ADORA2A: variants seen among roughly 807,000 people sequenced by gnomAD.
ADORA2A encodes the protein adenosine A2a receptor.
ADORA2A carries 11 observed loss-of-function variants against 18.4 expected under a neutral mutation model. The ratio of observed to expected loss-of-function variants is 0.60; its 90% CI spans 0.38 to 0.99. The LOEUF is 0.99. ADORA2A is among the 50% of genes least tolerant of loss of function. The pLI is 0.01. For synonymous variants in ADORA2A, 218 were observed against 237.3 expected, an observed-to-expected ratio of 0.92 and a Z score of 0.75; for missense variants, 449 against 556.1, an observed-to-expected ratio of 0.81 and a Z score of 1.94.
At chr22:24,431,443 G>C in intron 1 of ADORA2A, 1 of 456,812 alleles carries the variant, frequency 2.2e-6, no homozygotes, top group Non-Finnish European at 4.4e-6. Flanking sequence ...GTTGGGGTCT[G>C]TGTGTTTGAG....
chr22:24,433,343 A>C lies in ADORA2A; in HGVS notation c.-62A>C, dbSNP rs2043090020. ...GGAGCCAGGCGGGCGGCTGGGCTGC[A>C]GCAATGGACCGTGAGCTGGCCCAGC... On this transcript the variant is annotated 5_prime_UTR_variant, in exon 2 of 3. Transcript: ENST00000337539. The C allele has an allele frequency of 6.8e-7, 1 of 1,479,406 alleles. No individual in the cohort carries two copies. The highest frequency in any genetic ancestry group is 1.2e-5 in the South Asian group (1 of 81,750). 91.6% of individuals were successfully genotyped at this position (1,479,406 alleles called of 1,614,324 possible). A position where few individuals can be genotyped will look rare whatever the true frequency, so the allele number is the denominator to read the frequency against.
At chr22:24,424,338 G>C (rs1312518833), upstream of ADORA2A, 1 of 152,556 alleles carries the variant, frequency 6.6e-6, no homozygotes. The surrounding 1 kb of genome is among the most constrained non-coding windows in gnomAD (Gnocchi z 4.9). Flanking sequence ...GCGGGGTGCG[G>C]AGCCGCAGGT....
upstream of ADORA2A, among the ~76,000 whole-genome samples, chr22:24,424,939 G>A (rs1354330406): frequency 6.6e-6 from 1 of 152,100 alleles, no homozygotes; most frequent in African/African-American, 2.4e-5. This position sits in a 1 kb window ranked among gnomAD's most constrained non-coding sequence, Gnocchi z 4.9. Context: ...CCTAGGCTGG[G>A]GGAGTCGGGG....
At position 24,433,263 on chromosome 22, in the gene ADORA2A, G is replaced by C; in HGVS notation, c.-142G>C. The C allele has an allele frequency of 1.3e-6, 1 of 761,508 alleles. No homozygotes were observed. Among genetic ancestry groups the C allele is most frequent in the Middle Eastern group, 3.8e-4 (1 of 2,598 alleles). 47.2% of individuals were successfully genotyped at this position (761,508 alleles called of 1,614,324 possible). ...AGAGCGCCCCAGCAGGGCTGCACTTGGCTCCTGTGAGGAAGGGGCTCAGGG... is the reference window on the plus strand; with the variant it reads ...AGAGCGCCCCAGCAGGGCTGCACTTCGCTCCTGTGAGGAAGGGGCTCAGGG... On this transcript the variant is annotated 5_prime_UTR_variant, in exon 2 of 3. Coordinates refer to ENST00000337539, the MANE Select transcript of ADORA2A (RefSeq NM_000675.6).
chr22:24,441,226 G>A lies in ADORA2A; in HGVS notation c.976G>A (p.Ala326Thr). 1.2e-6 allele frequency: 2 copies of A among 1,613,894 alleles called. No homozygotes were observed. Among genetic ancestry groups the A allele is most frequent in the Non-Finnish European group, 1.7e-6 (2 of 1,180,040 alleles). ...AAGTSARVLA[A>T]HGSDGEQVSL... ...TGGCACCAGTGCCCGGGTCTTGGCA[G>A]CTCATGGCAGTGACGGAGAGCAGGT... Residue 326 changes from alanine (A) to threonine (T), a missense_variant, in exon 3 of 3, where the codon GCT (alanine) becomes ACT (threonine). Ala to Thr is a moderately conservative substitution (Grantham distance 58). Transcript: ENST00000337539.
chr22:24,440,660 T>A lies in ADORA2A; in HGVS notation c.410T>A (p.Leu137Gln), dbSNP rs1185530038. Residue 137 changes from leucine to glutamine, a missense_variant, in exon 3 of 3, where the codon CTG (leucine) becomes CAG (glutamine). Physicochemically the swap from Leu to Gln is moderately radical, Grantham distance 113. Transcript: ENST00000337539. The part of the protein sequence containing the change: ...ICWVLSFAIG[L>Q]TPMLGWNNCG... The stretch of plus-strand genomic sequence containing the variant: ...TGGGTGCTGTCGTTTGCCATCGGCC[T>A]GACTCCCATGCTAGGTTGGAACAAC... 1 of 1,611,280 alleles carries A rather than the reference T, an allele frequency of 6.2e-7. No individual in the cohort carries two copies. Among genetic ancestry groups the A allele is most frequent in the African/African-American group, 1.3e-5 (1 of 74,900 alleles).
At chr22:24,424,823 G>A (rs1011915862), upstream of ADORA2A, among the ~76,000 whole-genome samples, 4 of 152,068 alleles carry the variant, frequency 2.6e-5, no homozygotes, top group African/African-American at 4.8e-5. This position sits in a 1 kb window ranked among gnomAD's most constrained non-coding sequence, Gnocchi z 4.9. Context: ...CCAAGGGCTT[G>A]AGGAGGAGGC....
intron 2 of ADORA2A, among the ~76,000 whole-genome samples, chr22:24,434,522 G>A (rs1186146687): frequency 6.6e-6 from 1 of 152,212 alleles, no homozygotes; most frequent in Non-Finnish European, 1.5e-5. Flanking sequence ...GCTAGAAAGT[G>A]CATCCCTCCC....
chr22:24,429,826 G>A (rs1002849009), intron 1 of ADORA2A: 10 of 152,298 alleles, frequency 6.6e-5, no homozygotes, highest in Non-Finnish European at 1.3e-4. Flanking sequence ...TGCAGTGCCT[G>A]GCCTCTAGGC....
intron 2 of ADORA2A, among the ~76,000 whole-genome samples, chr22:24,437,858 G>T (rs1258183201): frequency 6.6e-6 from 1 of 152,246 alleles, no homozygotes; most frequent in Non-Finnish European, 1.5e-5. Flanking sequence ...AAGCCTTCGG[G>T]TTGGCTCTGG....
At chr22:24,431,362 G>A (rs1404733009) in intron 1 of ADORA2A, 1 of 456,718 alleles carries the variant, frequency 2.2e-6, no homozygotes, top group South Asian at 1.5e-5. Flanking sequence ...CCAGTCCCAG[G>A]TATGGCTGCA....
chr22:24,424,790 C>T (rs2042899623), upstream of ADORA2A, among the ~76,000 whole-genome samples: 1 of 152,020 alleles, frequency 6.6e-6, no homozygotes, highest in East Asian at 1.9e-4. The surrounding 1 kb of genome is among the most constrained non-coding windows in gnomAD (Gnocchi z 4.9). Flanking sequence ...TGGCGGCTCT[C>T]GAGGGATTTG....
intron 1 of ADORA2A, among the ~76,000 whole-genome samples, chr22:24,430,534 CCAAA>C (rs890517160): frequency 7.2e-5 from 11 of 152,356 alleles, no homozygotes; most frequent in South Asian, 2.1e-4. Context: ...GGAAGCCTTG[CCAAA>C]CAGAGGCCCT....
chr22:24,437,327 T>G (rs2043205509), intron 2 of ADORA2A, among the ~76,000 whole-genome samples: 1 of 152,188 alleles, frequency 6.6e-6, no homozygotes, highest in Admixed American at 6.5e-5. Flanking sequence ...TTGGCATCCC[T>G]TCCAGCTGGA....
upstream of ADORA2A, among the ~76,000 whole-genome samples, chr22:24,425,337 A>ACCCCCCCCCC (rs398036656): frequency 0.036 from 2,980 of 82,494 alleles, 128 homozygotes; most frequent in Non-Finnish European, 0.039. Flanking sequence ...TGTGGGCAGC[A>ACCCCCCCCCC]CCCCCCCCCC....
chr22:24,424,261 C>G (rs1272485390), upstream of ADORA2A: 1 of 152,036 alleles, frequency 6.6e-6, no homozygotes, highest in Non-Finnish European at 1.5e-5. This position sits in a 1 kb window ranked among gnomAD's most constrained non-coding sequence, Gnocchi z 4.9. Context: ...CCGAGCTGTC[C>G]CAAACTGCAC....
intron 2 of ADORA2A, among the ~76,000 whole-genome samples, chr22:24,438,943 G>A (rs537371534): frequency 2.4e-4 from 36 of 152,184 alleles, no homozygotes; most frequent in African/African-American, 8.7e-4. Flanking sequence ...CTGAAGACCA[G>A]GTAAACGCCC....
chr22:24,436,987 C>G (rs2043194567), intron 2 of ADORA2A, among the ~76,000 whole-genome samples: 1 of 152,134 alleles, frequency 6.6e-6, no homozygotes, highest in Non-Finnish European at 1.5e-5. Context: ...CTGTTCGTAC[C>G]AGGGGAAGGA....
In ADORA2A at chr22:24,433,192, G is replaced by C. The variant is rs1431284814; in HGVS notation, c.-213G>C. 7 of 595,552 alleles carry C rather than the reference G, an allele frequency of 1.2e-5. No individual in the cohort carries two copies. The highest frequency in any genetic ancestry group is 1.0e-4 in the South Asian group (5 of 49,722). 36.9% of individuals were successfully genotyped at this position (595,552 alleles called of 1,614,324 possible). On this transcript the variant is annotated 5_prime_UTR_variant, in exon 2 of 3. Transcript: ENST00000337539. ...TGCTGCTGCCAGAACCCCTGCAGAG[G>C]GCCTGGTTTCAGGAGACTCAGAGTC...
Sources: allele counts gnomAD v4.1 joint callset (sites outside exome capture counted in the v4.1 genomes callset), GRCh38; gene constraint gnomAD v4.1.1; non-coding constraint Gnocchi (gnomAD v3.1); transcripts MANE v1.5; gene names NCBI Gene and HGNC (gene_info 2026-07-23, HGNC 2026-07-21).